Variants in SEMA6D observed in about 807,000 individuals in gnomAD.
The protein encoded by SEMA6D is semaphorin 6D.
Under a neutral mutation model 106.6 loss-of-function variants are expected in SEMA6D, and 35 were observed. The ratio of observed to expected loss-of-function variants is 0.33; its 90% CI spans 0.25 to 0.44. The LOEUF (loss-of-function observed/expected upper bound fraction) is 0.44. Among genes scored for constraint, SEMA6D ranks in the 20% least tolerant of loss-of-function variants. The probability of loss-of-function intolerance (pLI) is 1.00; values close to 1 mark genes in which losing one functional copy is unlikely to be tolerated. For synonymous variants in SEMA6D, 499 were observed against 487.7 expected, an observed-to-expected ratio of 1.02 and a Z score of -0.31; for missense variants, 1,185 against 1,345.9, an observed-to-expected ratio of 0.88 and a Z score of 1.87.
At chr15:47,710,602 A>G (rs2078998163) in intron 4 of SEMA6D, among the ~76,000 whole-genome samples, 1 of 152,166 alleles carries the variant, frequency 6.6e-6, no homozygotes, top group South Asian at 2.1e-4. Context: ...ACACAAACAC[A>G]CACACAGTGT....
intron 1 of SEMA6D, among the ~76,000 whole-genome samples, chr15:47,394,563 C>CA (rs903505077): frequency 7.2e-5 from 11 of 152,186 alleles, no homozygotes; most frequent in East Asian, 5.8e-4. Context: ...ACTTCCCTCA[C>CA]AAAAAAGGCT....
intron 1 of SEMA6D, among the ~76,000 whole-genome samples, chr15:47,260,900 C>T (rs558550049): frequency 3.9e-5 from 6 of 152,254 alleles, no homozygotes; most frequent in Non-Finnish European, 7.4e-5. Flanking sequence ...CCTTTTGTTG[C>T]AGTTTCGCAT....
At position 47,772,253 on chromosome 15, in the gene SEMA6D, T is replaced by C. The variant is rs1489380101; in HGVS notation, c.*468T>C. On this transcript the variant is annotated 3_prime_UTR_variant, in exon 19 of 19. Transcript: ENST00000536845. ...ATCTCAAAGAAATGAACTTGTAGATTACCAAGCAGTTTGCTAAAAATTCAA... is the reference window on the plus strand; with the variant it reads ...ATCTCAAAGAAATGAACTTGTAGATCACCAAGCAGTTTGCTAAAAATTCAA... 2 of 156,922 alleles carry C rather than the reference T, an allele frequency of 1.3e-5. No homozygotes were observed. The highest frequency in any genetic ancestry group is 6.1e-5 in the Admixed American group (1 of 16,344). 9.7% of individuals were successfully genotyped at this position (156,922 alleles called of 1,614,324 possible).
At chr15:47,264,171 A>G (rs539066321) in intron 1 of SEMA6D, among the ~76,000 whole-genome samples, 2 of 152,156 alleles carry the variant, frequency 1.3e-5, no homozygotes, top group East Asian at 2.0e-4. Flanking sequence ...ATAGAGGGCA[A>G]CAACACACAC....
chr15:47,640,457 A>G (rs780587214), intron 4 of SEMA6D, among the ~76,000 whole-genome samples: 2 of 152,154 alleles, frequency 1.3e-5, no homozygotes, highest in Non-Finnish European at 2.9e-5. Context: ...TGAACTTGTG[A>G]AATTATCTGA....
At chr15:47,332,723 C>T (rs924830326) in intron 1 of SEMA6D, among the ~76,000 whole-genome samples, 4 of 152,136 alleles carry the variant, frequency 2.6e-5, no homozygotes, top group African/African-American at 7.2e-5. Flanking sequence ...ATCTTAAGAG[C>T]CTTATCTGCC....
At chr15:47,652,459 C>A (rs1285381611) in intron 4 of SEMA6D, among the ~76,000 whole-genome samples, 1 of 152,124 alleles carries the variant, frequency 6.6e-6, no homozygotes, top group African/African-American at 2.4e-5. Context: ...CAGACCCCCT[C>A]CTCACCCCGC....
chr15:47,210,937 A>G (rs1595746597), intron 1 of SEMA6D, among the ~76,000 whole-genome samples: 1 of 152,218 alleles, frequency 6.6e-6, no homozygotes, highest in East Asian at 1.9e-4. Flanking sequence ...GATGTAGGAA[A>G]ACAGTAGTGG....
intron 1 of SEMA6D, among the ~76,000 whole-genome samples, chr15:47,753,751 C>G (rs2081571203): frequency 6.6e-6 from 1 of 152,146 alleles, no homozygotes; most frequent in South Asian, 2.1e-4. Context: ...AAGGGCAGGA[C>G]TTCGACCAAA....
chr15:47,597,819 C>T (rs1287966216), intron 3 of SEMA6D, among the ~76,000 whole-genome samples: 2 of 150,152 alleles, frequency 1.3e-5, no homozygotes, highest in South Asian at 2.1e-4. Flanking sequence ...ATGAAATTAG[C>T]TTGTTTCAGT....
At chr15:47,428,093 AAGAG>A (rs1055173906) in intron 2 of SEMA6D, among the ~76,000 whole-genome samples, 3 of 152,132 alleles carry the variant, frequency 2.0e-5, no homozygotes, top group South Asian at 2.1e-4. Context: ...AATGTAAAAA[AAGAG>A]AGAAGAAGCT....
intron 1 of SEMA6D, among the ~76,000 whole-genome samples, chr15:47,256,631 C>T (rs1195889600): frequency 1.3e-5 from 2 of 152,064 alleles, no homozygotes; most frequent in African/African-American, 2.4e-5. Context: ...GAGGCCGAGG[C>T]GGGCAGATCA....
intron 1 of SEMA6D, among the ~76,000 whole-genome samples, chr15:47,216,135 G>T (rs796840413): frequency 6.6e-6 from 1 of 151,942 alleles, no homozygotes; most frequent in Non-Finnish European, 1.5e-5. Context: ...AATACTACTA[G>T]GATGATATAC....
intron 3 of SEMA6D, among the ~76,000 whole-genome samples, chr15:47,484,950 G>GT (rs1567112905): frequency 1.3e-5 from 2 of 152,138 alleles, no homozygotes; most frequent in African/African-American, 4.8e-5. Context: ...TTGAAAGGTT[G>GT]TTTTTTAAGC....
intron 1 of SEMA6D, among the ~76,000 whole-genome samples, chr15:47,271,972 A>G (rs1377277088): frequency 6.6e-6 from 1 of 152,146 alleles, no homozygotes; most frequent in Non-Finnish European, 1.5e-5. Flanking sequence ...ATCATCCATC[A>G]TCTTCTGTTG....
At chr15:47,692,888 T>C (rs1419017885) in intron 4 of SEMA6D, among the ~76,000 whole-genome samples, 1 of 152,148 alleles carries the variant, frequency 6.6e-6, no homozygotes, top group Non-Finnish European at 1.5e-5. Context: ...AAAGACTGAC[T>C]TTCTATTAAT....
intron 1 of SEMA6D, among the ~76,000 whole-genome samples, chr15:47,223,012 T>C (rs1282646574): frequency 6.6e-6 from 1 of 152,126 alleles, no homozygotes; most frequent in Admixed American, 6.5e-5. Flanking sequence ...TTAGACCCAC[T>C]AAGGACCATG....
At chr15:47,558,028 G>C (rs1427988036) in intron 3 of SEMA6D, among the ~76,000 whole-genome samples, 1 of 152,056 alleles carries the variant, frequency 6.6e-6, no homozygotes, top group East Asian at 1.9e-4. Context: ...TCAAAACCGT[G>C]TAAAGCAATC....
intron 4 of SEMA6D, among the ~76,000 whole-genome samples, chr15:47,626,474 T>C (rs1478624942): frequency 6.6e-6 from 1 of 152,192 alleles, no homozygotes; most frequent in Admixed American, 6.5e-5. Flanking sequence ...ATTCCTGTTG[T>C]CATTGGCTTC....
Sources: allele counts gnomAD v4.1 joint callset (sites outside exome capture counted in the v4.1 genomes callset), GRCh38; gene constraint gnomAD v4.1.1; transcripts MANE v1.5; gene names NCBI Gene and HGNC (gene_info 2026-07-23, HGNC 2026-07-21).